DIAPH2: variants seen among roughly 807,000 people sequenced by gnomAD.
DIAPH2 encodes the protein diaphanous related formin 2, also known as protein diaphanous homolog 2.
A neutral mutation model predicts 92.7 loss-of-function variants in DIAPH2; 35 were observed. The observed-to-expected ratio is 0.38, with a 90% CI of 0.29 to 0.50. The LOEUF (loss-of-function observed/expected upper bound fraction) is 0.50, where lower values mean the gene tolerates loss of function less well. Among genes scored for constraint, DIAPH2 ranks in the 20% least tolerant of loss-of-function variants. The pLI is 0.94. For missense variants in DIAPH2, 701 were observed against 819.5 expected (o/e 0.86, Z 1.77); for synonymous variants, 301 against 280.4 (o/e 1.07, Z -0.73).
intron 4 of DIAPH2, among the ~76,000 whole-genome samples, chrX:96,872,194 G>T (rs1034857198): frequency 1.9e-4 from 21 of 111,212 alleles, no homozygotes; most frequent in Admixed American, 6.7e-4. Flanking sequence ...TCAAATGCCA[G>T]ATCTTACCCA....
At chrX:97,265,824 G>A (rs2068331798) in intron 23 of DIAPH2, among the ~76,000 whole-genome samples, 2 of 111,726 alleles carry the variant, frequency 1.8e-5, no homozygotes, top group Non-Finnish European at 1.9e-5. Flanking sequence ...TAATCCAAGT[G>A]TTCAGTAAAT....
intron 23 of DIAPH2, among the ~76,000 whole-genome samples, chrX:97,337,023 C>T (rs1231491670): frequency 9.0e-6 from 1 of 111,264 alleles, no homozygotes; most frequent in Non-Finnish European, 1.9e-5. Flanking sequence ...TAATTACCTC[C>T]TCTATGTTAA....
At chrX:96,831,225 C>G (rs182611296) in intron 4 of DIAPH2, among the ~76,000 whole-genome samples, 1 of 111,645 alleles carries the variant, frequency 9.0e-6, no homozygotes, top group East Asian at 2.8e-4. Flanking sequence ...CTCAAGGAAG[C>G]CTTTCCTAAC....
intron 19 of DIAPH2, among the ~76,000 whole-genome samples, chrX:97,086,260 A>G (rs1397503204): frequency 1.8e-5 from 2 of 111,579 alleles, no homozygotes; most frequent in Non-Finnish European, 3.8e-5. Context: ...CCTGCAGGAC[A>G]TTGTGCTAAG....
chrX:97,345,211 G>A (rs2069146473), intron 23 of DIAPH2, among the ~76,000 whole-genome samples: 1 of 111,896 alleles, frequency 8.9e-6, no homozygotes, highest in African/African-American at 3.2e-5. Context: ...TCAGAAATGT[G>A]TTTGTTTTTT....
At chrX:96,969,058 T>C (rs1447477819) in intron 17 of DIAPH2, among the ~76,000 whole-genome samples, 6 of 112,104 alleles carry the variant, frequency 5.4e-5, no homozygotes, top group Non-Finnish European at 9.4e-5. Context: ...ATTTCTTGGT[T>C]CTCTTAGTCT....
chrX:96,921,697 G>GTTT lies in DIAPH2; in HGVS notation c.978+3093_978+3095dup, dbSNP rs373282813. On this transcript the variant is annotated intron_variant, in intron 9 of 26. Coordinates refer to ENST00000324765, the MANE Select transcript of DIAPH2 (RefSeq NM_006729.5). ...CTCTCCTTTGTTCTCTACCTTTATGGTTTTTTTTTTTTTTTCTGTCTTCCT... is the reference window on the plus strand; with the variant it reads ...CTCTCCTTTGTTCTCTACCTTTATGGTTTTTTTTTTTTTTTTTTCTGTCTTCCT... Among the ~76,000 whole-genome samples, 564 of 87,973 alleles carry GTTT rather than the reference G, an allele frequency of 6.4e-3. 13 individuals are homozygous for GTTT. Among genetic ancestry groups the GTTT allele is most frequent in the South Asian group, 0.029 (49 of 1,689 alleles). The allele number at this position is 87,973 out of a possible 115,157, so 76.4% of individuals were successfully genotyped here. A position where few individuals can be genotyped will look rare whatever the true frequency, so the allele number is the denominator to read the frequency against.
At chrX:97,194,947 G>A (rs1014868275) in intron 22 of DIAPH2, among the ~76,000 whole-genome samples, 1 of 111,593 alleles carries the variant, frequency 9.0e-6, no homozygotes, top group Admixed American at 9.5e-5. Flanking sequence ...TGGGGAGTAT[G>A]GTCCCAACCT....
intron 19 of DIAPH2, among the ~76,000 whole-genome samples, chrX:97,094,179 A>C (rs2066848456): frequency 9.0e-6 from 1 of 111,501 alleles, no homozygotes; most frequent in Non-Finnish European, 1.9e-5. Flanking sequence ...GTCAGTTAGA[A>C]ACATGGAGCT....
intron 24 of DIAPH2, among the ~76,000 whole-genome samples, chrX:97,349,051 T>TA (rs1491057749): frequency 9.5e-4 from 99 of 104,486 alleles, no homozygotes; most frequent in African/African-American, 3.1e-3. Context: ...TATATGTGTA[T>TA]TTATATATGT....
intron 4 of DIAPH2, among the ~76,000 whole-genome samples, chrX:96,787,903 T>G (rs2064470772): frequency 9.4e-6 from 1 of 106,018 alleles, no homozygotes; most frequent in African/African-American, 3.5e-5. Flanking sequence ...TAGAGACGGG[T>G]TTCTCCATGT....
intron 22 of DIAPH2, among the ~76,000 whole-genome samples, chrX:97,216,053 C>T (rs1299036657): frequency 2.7e-5 from 3 of 111,555 alleles, no homozygotes; most frequent in African/African-American, 6.5e-5. Context: ...AACTAACAGC[C>T]GATGTATCAG....
In DIAPH2 at chrX:97,599,859, C is replaced by G. The variant is rs1181612619; in HGVS notation, c.*542C>G. 1 of 112,309 alleles carries G rather than the reference C, an allele frequency of 8.9e-6. No homozygotes were observed. The highest frequency in any genetic ancestry group is 1.9e-5 in the Non-Finnish European group (1 of 53,152). 9.3% of individuals were successfully genotyped at this position (112,309 alleles called of 1,213,427 possible). A position where few individuals can be genotyped will look rare whatever the true frequency, so the allele number is the denominator to read the frequency against. On this transcript the variant is annotated 3_prime_UTR_variant, in exon 27 of 27. Coordinates refer to ENST00000324765, the MANE Select transcript of DIAPH2 (RefSeq NM_006729.5). ...AATTCACGAAAGTACTGCTCCACCC[C>G]AGTTGAGTTATTTAGAATTTTATCT...
intron 5 of DIAPH2, among the ~76,000 whole-genome samples, chrX:96,894,482 T>C (rs780435384): frequency 8.9e-6 from 1 of 112,115 alleles, no homozygotes; most frequent in Non-Finnish European, 1.9e-5. Flanking sequence ...GCACTAAAAC[T>C]ATATTAAGTA....
intron 23 of DIAPH2, among the ~76,000 whole-genome samples, chrX:97,309,933 G>T (rs1281355115): frequency 8.9e-6 from 1 of 112,102 alleles, no homozygotes; most frequent in Non-Finnish European, 1.9e-5. Flanking sequence ...GACATAACAA[G>T]AAAGTTACTG....
chrX:96,767,906 C>T (rs974914976), intron 4 of DIAPH2, among the ~76,000 whole-genome samples: 1 of 111,877 alleles, frequency 8.9e-6, no homozygotes, highest in African/African-American at 3.2e-5. Flanking sequence ...TAGATACTGT[C>T]TGTGATGGGA....
At chrX:97,064,559 C>T (rs888100353) in intron 17 of DIAPH2, among the ~76,000 whole-genome samples, 74 of 110,626 alleles carry the variant, frequency 6.7e-4, no homozygotes, top group Admixed American at 2.6e-3. Flanking sequence ...TTATCTTCCC[C>T]TGCAACCATA....
At chrX:97,503,952 TC>T (rs1039093811) in intron 26 of DIAPH2, among the ~76,000 whole-genome samples, 2 of 111,753 alleles carry the variant, frequency 1.8e-5, no homozygotes, top group Non-Finnish European at 3.8e-5. Flanking sequence ...TTAAGTAGCC[TC>T]ACATTAAATG....
chrX:96,711,181 TC>T (rs776143601), intron 1 of DIAPH2, among the ~76,000 whole-genome samples: 1 of 112,043 alleles, frequency 8.9e-6, no homozygotes, highest in African/African-American at 3.2e-5. Flanking sequence ...TATAATGACT[TC>T]TTTTCCTTTG....
Sources: gnomAD v4.1 joint callset for allele counts (sites outside exome capture counted in the v4.1 genomes callset) on GRCh38, gnomAD v4.1.1 for gene constraint, MANE v1.5 for transcripts, NCBI Gene and HGNC (gene_info 2026-07-23, HGNC 2026-07-21) for gene names.